RIC8B: variants seen among roughly 807,000 people sequenced by gnomAD.
RIC8B encodes the protein chaperone Ric-8B.
Under a neutral mutation model 57.5 loss-of-function variants are expected in RIC8B, and 16 were observed. The ratio of observed to expected loss-of-function variants is 0.28; its 90% CI spans 0.19 to 0.42. The LOEUF (loss-of-function observed/expected upper bound fraction) is 0.42. Ranked by LOEUF, RIC8B falls within the 10% of genes least tolerant of loss-of-function variation. The pLI, the probability that RIC8B is intolerant of heterozygous loss-of-function variation, is 1.00. For missense variants in RIC8B, 481 were observed against 677.0 expected, an observed-to-expected ratio of 0.71 and a Z score of 3.21; for synonymous variants, 216 against 250.8, an observed-to-expected ratio of 0.86 and a Z score of 1.31.
chr12:106,841,713 A>G (rs1948957245), intron 4 of RIC8B, among the ~76,000 whole-genome samples: 1 of 152,184 alleles, frequency 6.6e-6, no homozygotes, highest in Admixed American at 6.5e-5. Flanking sequence ...AGGCACAGGC[A>G]TATAAGAGCC....
At chr12:106,885,297 G>A (rs1951123718) in intron 9 of RIC8B, among the ~76,000 whole-genome samples, 1 of 151,832 alleles carries the variant, frequency 6.6e-6, no homozygotes, top group South Asian at 2.1e-4. Flanking sequence ...CAAAAGCAAT[G>A]GTGTTTTTTA....
At chr12:106,806,001 G>A (rs1244053302) in intron 2 of RIC8B, among the ~76,000 whole-genome samples, 1 of 152,150 alleles carries the variant, frequency 6.6e-6, no homozygotes, top group Non-Finnish European at 1.5e-5. Flanking sequence ...CCAGGCTGGA[G>A]TGCAATGGTG....
At chr12:106,784,163 T>C (rs2043891251) in intron 2 of RIC8B, 119 bp downstream of exon 2, 1 of 1,009,270 alleles carries the variant, frequency 9.9e-7, no homozygotes, top group South Asian at 1.6e-5. Flanking sequence ...TTTCCCTTCA[T>C]TTTGTTTTTT....
At chr12:106,778,324 A>C (rs958385689) in intron 1 of RIC8B, among the ~76,000 whole-genome samples, 3 of 152,108 alleles carry the variant, frequency 2.0e-5, no homozygotes, top group Non-Finnish European at 4.4e-5. Flanking sequence ...TCATTCACTG[A>C]CCTTTGTTAT....
intron 4 of RIC8B, among the ~76,000 whole-genome samples, chr12:106,827,166 C>T (rs577075061): frequency 6.6e-6 from 1 of 152,308 alleles, no homozygotes; most frequent in South Asian, 2.1e-4. Context: ...CTGAGAACAA[C>T]TGAATAAGAA....
chr12:106,866,805 T>C (rs950502206), intron 8 of RIC8B, among the ~76,000 whole-genome samples: 1 of 152,194 alleles, frequency 6.6e-6, no homozygotes, highest in Middle Eastern at 3.2e-3. Context: ...CCCATAGATA[T>C]TTAGATGAAA....
chr12:106,836,142 A>G (rs1237175965), intron 4 of RIC8B, among the ~76,000 whole-genome samples: 2 of 152,140 alleles, frequency 1.3e-5, no homozygotes, highest in African/African-American at 2.4e-5. Context: ...TCATCACTCC[A>G]TTCTTAGATA....
intron 1 of RIC8B, among the ~76,000 whole-genome samples, chr12:106,777,826 C>A (rs1206525586): frequency 6.6e-6 from 1 of 152,158 alleles, no homozygotes; most frequent in Non-Finnish European, 1.5e-5. Flanking sequence ...ACACTGGGCA[C>A]AATGCACCTA....
In RIC8B at chr12:106,886,857, G is replaced by A. The variant is rs1177596080; in HGVS notation, c.*842G>A. On this transcript the variant is annotated 3_prime_UTR_variant, in exon 10 of 10. Transcript: ENST00000392837. ...CCCTGAGTAATGGGAGTTCTTTCAT[G>A]GCCTCTGCTTGGGGTGGGGGAGTCA... The A allele has an allele frequency of 6.6e-6, 1 of 152,504 alleles. No individual in the cohort carries two copies. The highest frequency in any genetic ancestry group is 2.4e-5 in the African/African-American group (1 of 41,382). 9.4% of individuals were successfully genotyped at this position (152,504 alleles called of 1,614,324 possible).
intron 9 of RIC8B, among the ~76,000 whole-genome samples, chr12:106,872,205 C>G (rs755856179): frequency 1.3e-5 from 2 of 152,156 alleles, no homozygotes; most frequent in East Asian, 3.9e-4. Flanking sequence ...CAGAAATGTT[C>G]CCTCCCAGAA....
chr12:106,863,128 T>C (rs1950007844), intron 8 of RIC8B, among the ~76,000 whole-genome samples: 1 of 152,146 alleles, frequency 6.6e-6, no homozygotes. Flanking sequence ...TTATACATTA[T>C]TCTAGACATC....
At position 106,781,959 on chromosome 12, in the gene RIC8B, G is replaced by A. The variant is rs564076787; in HGVS notation, c.85-2038G>A. 2.4e-4 allele frequency among the ~76,000 whole-genome samples: 37 copies of A among 151,922 alleles called. 1 individual carries two copies. The East Asian group carries it at 6.2e-3, about 25-fold the overall frequency. ...AATGTTAATTTTCACTAAACCTCAG[G>A]TCTATACATTTCTAAGTATAGCCCT... On this transcript the variant is annotated intron_variant, in intron 1 of 9. Coordinates refer to ENST00000392837, the MANE Select transcript of RIC8B (RefSeq NM_001330145.2).
intron 4 of RIC8B, among the ~76,000 whole-genome samples, chr12:106,834,329 T>C (rs1424173374): frequency 6.6e-6 from 1 of 152,230 alleles, no homozygotes; most frequent in East Asian, 1.9e-4. Flanking sequence ...TGTTGGTGTC[T>C]TTGTATTATA....
At chr12:106,875,344 C>T (rs1351558445) in intron 9 of RIC8B, among the ~76,000 whole-genome samples, 4 of 152,114 alleles carry the variant, frequency 2.6e-5, no homozygotes, top group African/African-American at 7.2e-5. Context: ...CTCTTTCCTT[C>T]CCTGACTTCG....
At chr12:106,803,450 CTG>C (rs2136237294) in intron 2 of RIC8B, among the ~76,000 whole-genome samples, 1 of 152,230 alleles carries the variant, frequency 6.6e-6, no homozygotes, top group South Asian at 2.1e-4. Context: ...CGTTTCTAGA[CTG>C]TAGTTATCCT....
intron 7 of RIC8B, among the ~76,000 whole-genome samples, chr12:106,856,619 G>A (rs1404023751): frequency 6.6e-6 from 1 of 152,098 alleles, no homozygotes; most frequent in Non-Finnish European, 1.5e-5. Context: ...TCTCCTTTGT[G>A]CCATTTTTCC....
intron 1 of RIC8B, among the ~76,000 whole-genome samples, chr12:106,779,888 T>TTG (rs58405740): frequency 0.025 from 2,121 of 84,010 alleles, 47 homozygotes; most frequent in Non-Finnish European, 0.042. Flanking sequence ...TTTTTTTTTT[T>TTG]TGTGTGTGTG....
intron 2 of RIC8B, among the ~76,000 whole-genome samples, chr12:106,788,337 C>T (rs937843512): frequency 1.3e-5 from 2 of 152,142 alleles, no homozygotes; most frequent in African/African-American, 4.8e-5. Flanking sequence ...CTTCCAGGTG[C>T]AGGGTGCAAG....
In RIC8B at chr12:106,790,824, A is replaced by C. The variant is rs567378276; in HGVS notation, c.132+6780A>C. ...TGAGATAAATCTTTGTGTATATAGT[A>C]ATTTTCCTCAAAAGAGTAAAGTTAA... On this transcript the variant is annotated intron_variant, in intron 2 of 9. Coordinates refer to ENST00000392837, the MANE Select transcript of RIC8B (RefSeq NM_001330145.2). 4.6e-5 allele frequency among the ~76,000 whole-genome samples: 7 copies of C among 152,296 alleles called. No homozygotes were observed. In the East Asian group the frequency reaches 1.3e-3, roughly 29 times the overall value.
Sources: allele counts gnomAD v4.1 joint callset (sites outside exome capture counted in the v4.1 genomes callset), GRCh38; gene constraint gnomAD v4.1.1; transcripts MANE v1.5; gene names NCBI Gene and HGNC (gene_info 2026-07-23, HGNC 2026-07-21).